CNTN5: variants seen among roughly 807,000 people sequenced by gnomAD.
The protein encoded by CNTN5 is contactin 5.
In CNTN5, 77 loss-of-function variants were observed where a neutral mutation model predicts 129.1. The ratio of observed to expected loss-of-function variants is 0.60; its 90% confidence interval spans 0.50 to 0.72. CNTN5 has a LOEUF of 0.72. CNTN5 is among the 30% of genes least tolerant of loss of function. The probability of loss-of-function intolerance (pLI) is 0.00; values close to 1 mark genes in which losing one functional copy is unlikely to be tolerated. For missense variants in CNTN5, 1,478 were observed against 1,328.8 expected (o/e 1.11, Z -1.75); for synonymous variants, 509 against 465.6 (o/e 1.09, Z -1.20).
At chr11:99,705,571 C>T (rs1210708036) in intron 3 of CNTN5, among the ~76,000 whole-genome samples, 1 of 151,236 alleles carries the variant, frequency 6.6e-6, no homozygotes, top group Non-Finnish European at 1.5e-5. Flanking sequence ...AATTTTTTTA[C>T]TTTTGTCAGG....
rs537467060 is a variant in CNTN5 at position 99,097,805 on chromosome 11, C to G, written c.-210+76535C>G. 2.6e-4 allele frequency among the ~76,000 whole-genome samples: 39 copies of G among 151,882 alleles called. No individual in the cohort carries two copies. The East Asian group carries it at 7.4e-3, about 29-fold the overall frequency. ...TCCTACATAGGTAAAACAATTTATA[C>G]TTTAAGTTAGGTGATGTCTTTCTCT... On this transcript the variant is annotated intron_variant, in intron 1 of 24. Transcript: ENST00000524871.
intron 21 of CNTN5, among the ~76,000 whole-genome samples, chr11:100,323,572 C>T (rs760606628): frequency 2.0e-5 from 3 of 152,086 alleles, no homozygotes; most frequent in Non-Finnish European, 4.4e-5. Flanking sequence ...ACATTTCCAT[C>T]ATTTTCTTAA....
chr11:99,940,057 AT>A (rs1296971548), intron 7 of CNTN5, among the ~76,000 whole-genome samples: 1 of 152,138 alleles, frequency 6.6e-6, no homozygotes, highest in Non-Finnish European at 1.5e-5. Context: ...GTCTAGAGGC[AT>A]TTTTAATTTC....
intron 3 of CNTN5, among the ~76,000 whole-genome samples, chr11:99,643,841 T>C (rs1380368375): frequency 1.7e-5 from 1 of 60,386 alleles, no homozygotes; most frequent in Non-Finnish European, 3.6e-5. Flanking sequence ...ATTCTTATAT[T>C]TCAAAATAAT....
At chr11:100,294,306 G>A (rs557459341) in intron 18 of CNTN5, among the ~76,000 whole-genome samples, 14 of 151,806 alleles carry the variant, frequency 9.2e-5, no homozygotes, top group South Asian at 4.1e-4. Context: ...ATATTCTGCC[G>A]TGGCTAAACT....
At chr11:99,307,845 C>A (rs1864940729) in intron 1 of CNTN5, among the ~76,000 whole-genome samples, 1 of 152,132 alleles carries the variant, frequency 6.6e-6, no homozygotes, top group South Asian at 2.1e-4. Flanking sequence ...GGAATATTTT[C>A]ACGCAGTTTT....
chr11:100,157,163 TTTATTAAACCC>T (rs1245237709), intron 13 of CNTN5, among the ~76,000 whole-genome samples: 1 of 151,946 alleles, frequency 6.6e-6, no homozygotes, highest in Non-Finnish European at 1.5e-5. Flanking sequence ...CAGTATTTTG[TTTATTAAACCC>T]TTATAATGGC....
At chr11:99,941,794 C>T (rs1413189558) in intron 7 of CNTN5, among the ~76,000 whole-genome samples, 1 of 152,000 alleles carries the variant, frequency 6.6e-6, no homozygotes, top group Non-Finnish European at 1.5e-5. Flanking sequence ...AAACTAACAG[C>T]AGGGCCAGTG....
chr11:99,895,449 C>A (rs540545508), intron 6 of CNTN5, among the ~76,000 whole-genome samples: 2 of 152,246 alleles, frequency 1.3e-5, no homozygotes, highest in East Asian at 3.9e-4. Context: ...TAGTGCCATG[C>A]CTTTCTCATG....
At chr11:99,368,045 T>C (rs1347964686) in intron 2 of CNTN5, among the ~76,000 whole-genome samples, 6 of 152,132 alleles carry the variant, frequency 3.9e-5, no homozygotes, top group Non-Finnish European at 5.9e-5. Context: ...TTGGACCTTA[T>C]CTTTCATCTT....
rs971181061 is a variant in CNTN5, at chr11:100,132,612, G to A, written c.1580+58318G>A. 2.0e-5 allele frequency among the ~76,000 whole-genome samples: 3 copies of A among 152,138 alleles called. No individual in the cohort carries two copies. The East Asian group carries it at 5.8e-4, about 29-fold the overall frequency. Reference sequence around the variant, plus strand: ...TTGTTGAAATAAGCTTGCTAGTGAGGGCACTACAGCAGTTAGGATGAATCA... The same window carrying A: ...TTGTTGAAATAAGCTTGCTAGTGAGAGCACTACAGCAGTTAGGATGAATCA... On this transcript the variant is annotated intron_variant, in intron 13 of 24. Transcript: ENST00000524871.
At position 100,341,218 on chromosome 11, in the gene CNTN5, T is replaced by G. The variant is rs1323632935; in HGVS notation, c.3030+13T>G. 1 of 1,574,556 alleles carries G rather than the reference T, an allele frequency of 6.4e-7. No homozygotes were observed. The highest frequency in any genetic ancestry group is 8.7e-7 in the Non-Finnish European group (1 of 1,144,098). ...TGTGGGTTACAAGGTCAGTATTTCTTCACTCTTTTGCATAGATACTCATCT... is the reference window on the plus strand; with the variant it reads ...TGTGGGTTACAAGGTCAGTATTTCTGCACTCTTTTGCATAGATACTCATCT... On this transcript the variant is annotated intron_variant, in intron 23 of 24. Transcript: ENST00000524871.
chr11:99,923,757 G>GTCTATCTATCTATCTA (rs11271049), intron 7 of CNTN5, among the ~76,000 whole-genome samples: 2,677 of 140,652 alleles, frequency 0.019, 58 homozygotes, highest in African/African-American at 0.031. Flanking sequence ...CTATCTGTCT[G>GTCTATCTATCTATCTA]TCTATCTATC....
At chr11:100,158,103 G>A (rs1947318378) in intron 13 of CNTN5, among the ~76,000 whole-genome samples, 1 of 151,710 alleles carries the variant, frequency 6.6e-6, no homozygotes, top group Non-Finnish European at 1.5e-5. Context: ...ATTAGAATTA[G>A]GAAATTTTGT....
chr11:99,488,195 T>C (rs956832091), intron 2 of CNTN5, among the ~76,000 whole-genome samples: 3 of 138,802 alleles, frequency 2.2e-5, no homozygotes, highest in Non-Finnish European at 3.1e-5. Flanking sequence ...TTTTTTGACA[T>C]GGAGTCTCGC....
chr11:99,238,956 A>G (rs1861411167), intron 1 of CNTN5, among the ~76,000 whole-genome samples: 1 of 152,058 alleles, frequency 6.6e-6, no homozygotes, highest in Non-Finnish European at 1.5e-5. Context: ...ATAAATAAAA[A>G]CTACCTGTAA....
chr11:99,606,660 T>A (rs368316804), intron 3 of CNTN5, among the ~76,000 whole-genome samples: 3,457 of 111,586 alleles, frequency 0.031, 56 homozygotes, highest in African/African-American at 0.047. Flanking sequence ...AGCCAAAAGA[T>A]CAAAGCTGGA....
chr11:99,284,685 A>C (rs1863857325), intron 1 of CNTN5, among the ~76,000 whole-genome samples: 2 of 145,414 alleles, frequency 1.4e-5, no homozygotes, highest in African/African-American at 5.1e-5. Context: ...ATTATGACTA[A>C]GGATATTGGC....
At chr11:99,789,028 C>T (rs751664633) in intron 3 of CNTN5, among the ~76,000 whole-genome samples, 17 of 151,570 alleles carry the variant, frequency 1.1e-4, no homozygotes, top group Non-Finnish European at 2.4e-4. Context: ...AACATCTCCC[C>T]AAAACCGTGC....
Sources: gnomAD v4.1 joint callset for allele counts (sites outside exome capture counted in the v4.1 genomes callset) on GRCh38, gnomAD v4.1.1 for gene constraint, MANE v1.5 for transcripts, NCBI Gene and HGNC (gene_info 2026-07-23, HGNC 2026-07-21) for gene names.